Variants in RASEF observed in about 807,000 individuals in gnomAD.
The protein encoded by RASEF is RAS and EF-hand domain containing.
RASEF carries 68 observed loss-of-function variants against 90.1 expected under a neutral mutation model. The observed-to-expected ratio is 0.75, with a 90% CI of 0.62 to 0.92. The LOEUF (loss-of-function observed/expected upper bound fraction) is 0.92, where lower values mean the gene tolerates loss of function less well. Among genes scored for constraint, RASEF ranks in the 40% least tolerant of loss-of-function variants. The pLI is 0.00. For missense variants in RASEF, 949 were observed against 937.2 expected, an observed-to-expected ratio of 1.01 and a Z score of -0.16; for synonymous variants, 331 against 345.2, an observed-to-expected ratio of 0.96 and a Z score of 0.46.
rs114786374 is a variant in RASEF, at chr9:83,038,305, C to T, written c.432-12384G>A. On this transcript the variant is annotated intron_variant, in intron 1 of 16. Coordinates refer to ENST00000376447, the MANE Select transcript of RASEF (RefSeq NM_152573.4). ...CAATACCAAGACAAAAAAGAATTTA[C>T]GATATCCTCCACTTAGAATTTACTC... Among the ~76,000 whole-genome samples, 245 of 152,166 alleles carry T rather than the reference C, an allele frequency of 1.6e-3. 2 individuals carry two copies. The highest frequency in any genetic ancestry group is 5.7e-3 in the African/African-American group (235 of 41,544).
At chr9:83,180,287 C>T in the RASEF span, among the ~76,000 whole-genome samples, 1 of 151,878 alleles carries the variant, frequency 6.6e-6, no homozygotes. Flanking sequence ...TGGAATCAAA[C>T]AAAAAATTAA....
chr9:83,047,275 AAAAAAAGAAAAAAC>A (rs1412816100), intron 1 of RASEF, among the ~76,000 whole-genome samples: 3 of 152,146 alleles, frequency 2.0e-5, no homozygotes, highest in African/African-American at 4.8e-5. Context: ...AAAACAAAAC[AAAAAAAGAAAAAAC>A]GAAAAAGAAA....
chr9:83,091,458 G>A, the RASEF span, among the ~76,000 whole-genome samples: 1 of 152,312 alleles, frequency 6.6e-6, no homozygotes, highest in Middle Eastern at 3.4e-3. Flanking sequence ...AGGAAGCTGA[G>A]GCAGGAGCAA....
At chr9:83,116,511 A>G in the RASEF span, among the ~76,000 whole-genome samples, 1 of 151,232 alleles carries the variant, frequency 6.6e-6, no homozygotes, top group Non-Finnish European at 1.5e-5. Flanking sequence ...AATGAACAGT[A>G]TGAGCTACAG....
chr9:83,119,192 T>C, the RASEF span, among the ~76,000 whole-genome samples: 2 of 120,162 alleles, frequency 1.7e-5, no homozygotes, highest in South Asian at 2.7e-4. Flanking sequence ...TTTTTTTTTG[T>C]ATTTTTGGTA....
the RASEF span, among the ~76,000 whole-genome samples, chr9:83,173,321 T>C: frequency 6.6e-6 from 1 of 151,976 alleles, no homozygotes; most frequent in Non-Finnish European, 1.5e-5. Flanking sequence ...AAAAAAACTT[T>C]CTATCCCAAC....
At chr9:83,181,608 A>G in the RASEF span, among the ~76,000 whole-genome samples, 1 of 152,202 alleles carries the variant, frequency 6.6e-6, no homozygotes, top group Non-Finnish European at 1.5e-5. Context: ...TCCAGGCCCA[A>G]GAAAATTCAG....
chr9:83,060,134 G>C (rs1830179660), intron 1 of RASEF, among the ~76,000 whole-genome samples: 4 of 151,956 alleles, frequency 2.6e-5, no homozygotes, highest in African/African-American at 4.8e-5. Context: ...GATAGCCCTG[G>C]GGCAGACTGT....
chr9:83,110,183 T>C, the RASEF span, among the ~76,000 whole-genome samples: 4 of 152,246 alleles, frequency 2.6e-5, no homozygotes, highest in East Asian at 3.9e-4. Context: ...AATGAAAAGA[T>C]GATGACCAGC....
chr9:83,015,896 T>C lies in RASEF; in HGVS notation c.674A>G (p.Lys225Arg). Residue 225 changes from lysine (K) to arginine (R), a missense_variant, in exon 4 of 17, where the codon AAA becomes AGA. Lys to Arg is a conservative substitution (Grantham distance 26). Around this residue, in one of 3 missense-constraint regions of RASEF, gnomAD observed 656 missense variants for 592.2 expected, o/e 1.11. Coordinates refer to ENST00000376447, the MANE Select transcript of RASEF (RefSeq NM_152573.4). ...ACTGAGGGCTTCCTCAGCTTTGCGT[T>C]TTTCCTAAAAGAAAAAAAAATATGT... The part of the protein sequence containing the change: ...AAEHKTRKDE[K>R]RKAEEALSDL... 6.2e-7 allele frequency: 1 copy of C among 1,612,482 alleles called. No homozygotes were observed. The highest frequency in any genetic ancestry group is 8.5e-7 in the Non-Finnish European group (1 of 1,179,214).
the RASEF span, among the ~76,000 whole-genome samples, chr9:83,081,091 A>T: frequency 2.6e-5 from 4 of 152,146 alleles, no homozygotes; most frequent in Non-Finnish European, 1.5e-5. Flanking sequence ...GATGATCCTC[A>T]GGCAGGTGCT....
At chr9:83,099,053 C>T in the RASEF span, among the ~76,000 whole-genome samples, 1 of 152,152 alleles carries the variant, frequency 6.6e-6, no homozygotes, top group African/African-American at 2.4e-5. Flanking sequence ...ATCAAATCCT[C>T]TATATCCTTC....
intron 1 of RASEF, among the ~76,000 whole-genome samples, chr9:83,060,189 G>A (rs1276660480): frequency 2.0e-5 from 3 of 152,170 alleles, no homozygotes; most frequent in African/African-American, 7.2e-5. Flanking sequence ...AAAGCCACAA[G>A]TTGGAATGGC....
chr9:83,109,371 G>A, the RASEF span, among the ~76,000 whole-genome samples: 1 of 152,156 alleles, frequency 6.6e-6, no homozygotes, highest in African/African-American at 2.4e-5. Context: ...AATACTCCCT[G>A]TGTTTCTGTA....
chr9:83,055,495 C>A, intron 1 of RASEF: 1 of 684,074 alleles, frequency 1.5e-6, no homozygotes. Flanking sequence ...ATGCAGAAAT[C>A]ACCCGTCTTC....
chr9:83,021,436 C>T (rs1829442248), intron 3 of RASEF, among the ~76,000 whole-genome samples: 1 of 152,170 alleles, frequency 6.6e-6, no homozygotes, highest in African/African-American at 2.4e-5. Context: ...TGTCTATTTT[C>T]TGTTTTCAAT....
the RASEF span, among the ~76,000 whole-genome samples, chr9:83,185,672 A>G: frequency 6.6e-6 from 1 of 152,116 alleles, no homozygotes; most frequent in African/African-American, 2.4e-5. Flanking sequence ...GTTTCTCAAT[A>G]TAAGCTGATG....
At chr9:83,119,095 C>T in the RASEF span, among the ~76,000 whole-genome samples, 1 of 149,036 alleles carries the variant, frequency 6.7e-6, no homozygotes, top group Non-Finnish European at 1.5e-5. Context: ...GCAATCTCCA[C>T]CTCCCAGGTT....
chr9:83,141,373 G>A, the RASEF span, among the ~76,000 whole-genome samples: 1 of 152,048 alleles, frequency 6.6e-6, no homozygotes, highest in East Asian at 1.9e-4. Flanking sequence ...ACAGACTACA[G>A]AGCACAAAGA....
Sources: gnomAD v4.1 joint callset for allele counts (sites outside exome capture counted in the v4.1 genomes callset) on GRCh38, gnomAD v4.1.1 for gene constraint, gnomAD v4.1.1 regional missense constraint, MANE v1.5 for transcripts, NCBI Gene and HGNC (gene_info 2026-07-23, HGNC 2026-07-21) for gene names.